SLCO3A1: variants seen among roughly 807,000 people sequenced by gnomAD.
SLCO3A1 encodes the protein solute carrier organic anion transporter family member 3A1.
In SLCO3A1, 27 loss-of-function variants were observed where a neutral mutation model predicts 63.1. The ratio of observed to expected loss-of-function variants is 0.43; its 90% CI spans 0.32 to 0.59. The LOEUF is 0.59. Among genes scored for constraint, SLCO3A1 ranks in the 20% least tolerant of loss-of-function variants. The pLI, the probability that SLCO3A1 is intolerant of heterozygous loss-of-function variation, is 0.09. For missense variants in SLCO3A1, 773 were observed against 945.8 expected, an observed-to-expected ratio of 0.82 and a Z score of 2.40; for synonymous variants, 473 against 409.9, an observed-to-expected ratio of 1.15 and a Z score of -1.86.
At chr15:92,126,712 A>AG (rs1453099309) in intron 6 of SLCO3A1, among the ~76,000 whole-genome samples, 1 of 152,058 alleles carries the variant, frequency 6.6e-6, no homozygotes, top group South Asian at 2.1e-4. Flanking sequence ...GGAAAGGGGG[A>AG]GAAAAAGGGA....
intron 2 of SLCO3A1, among the ~76,000 whole-genome samples, chr15:92,008,921 A>G (rs2046340641): frequency 6.6e-6 from 1 of 152,230 alleles, no homozygotes; most frequent in South Asian, 2.1e-4. Context: ...TATTTCAGCT[A>G]GGAAACTCTA....
chr15:92,133,921 G>T (rs1301003542), intron 7 of SLCO3A1, among the ~76,000 whole-genome samples: 1 of 152,190 alleles, frequency 6.6e-6, no homozygotes, highest in Admixed American at 6.5e-5. Context: ...AAAAAGGTTG[G>T]GGACCTCTGC....
chr15:92,105,731 G>A (rs552627849), intron 4 of SLCO3A1, among the ~76,000 whole-genome samples: 1 of 152,326 alleles, frequency 6.6e-6, no homozygotes, highest in East Asian at 1.9e-4. Context: ...CAGGAGCAAG[G>A]TCAGGCACTA....
chr15:91,861,673 C>T (rs1164837241), intron 1 of SLCO3A1, among the ~76,000 whole-genome samples: 1 of 152,186 alleles, frequency 6.6e-6, no homozygotes. Context: ...CTTGCTCTAT[C>T]ATCCAGGTTG....
intron 2 of SLCO3A1, among the ~76,000 whole-genome samples, chr15:91,998,039 A>G (rs533596306): frequency 5.2e-5 from 8 of 152,390 alleles, no homozygotes; most frequent in African/African-American, 1.7e-4. Context: ...GAAACTATCA[A>G]TAGAGTAAAC....
At chr15:92,050,543 A>C (rs2046944698) in intron 2 of SLCO3A1, among the ~76,000 whole-genome samples, 1 of 152,128 alleles carries the variant, frequency 6.6e-6, no homozygotes, top group African/African-American at 2.4e-5. Flanking sequence ...CTCATTACCC[A>C]CATCTTACGT....
chr15:91,963,177 T>C (rs2151422610), intron 2 of SLCO3A1, among the ~76,000 whole-genome samples: 1 of 152,262 alleles, frequency 6.6e-6, no homozygotes, highest in Middle Eastern at 3.4e-3. Flanking sequence ...TCCTTTGTTA[T>C]CTTGTCGTGC....
At chr15:91,918,905 A>G (rs1158400038) in intron 2 of SLCO3A1, among the ~76,000 whole-genome samples, 1 of 152,226 alleles carries the variant, frequency 6.6e-6, no homozygotes, top group African/African-American at 2.4e-5. Flanking sequence ...GCTCCTGCAG[A>G]GTTGGTCTAG....
At chr15:91,959,165 A>G (rs1360774233) in intron 2 of SLCO3A1, among the ~76,000 whole-genome samples, 1 of 152,226 alleles carries the variant, frequency 6.6e-6, no homozygotes, top group Non-Finnish European at 1.5e-5. Flanking sequence ...GAAGTAGCTC[A>G]GGAGTGGAAA....
rs2047917636 is a variant in SLCO3A1, at chr15:92,126,041, C to T, written c.1175-20C>T. 6.2e-7 allele frequency: 1 copy of T among 1,609,402 alleles called. No homozygotes were observed. The highest frequency in any genetic ancestry group is 1.3e-5 in the African/African-American group (1 of 74,860). On this transcript the variant is annotated intron_variant, in intron 5 of 9. Coordinates refer to ENST00000318445, the MANE Select transcript of SLCO3A1 (RefSeq NM_013272.4). ...CCCACCTTCCCTGTTCACAGCCCTG[C>T]CCCTCTATTTTCCTTCCAGGGATGA...
intron 2 of SLCO3A1, among the ~76,000 whole-genome samples, chr15:92,029,912 A>G (rs2046625760): frequency 6.6e-6 from 1 of 152,026 alleles, no homozygotes; most frequent in Non-Finnish European, 1.5e-5. Context: ...GAGTCTGTGA[A>G]CCAAAAGGCC....
At chr15:91,932,239 A>C (rs971525160) in intron 2 of SLCO3A1, among the ~76,000 whole-genome samples, 1 of 152,178 alleles carries the variant, frequency 6.6e-6, no homozygotes, top group Admixed American at 6.5e-5. Context: ...ATCTGGCCTG[A>C]AATTGAGATT....
chr15:92,138,057 T>C (rs1294786526), intron 7 of SLCO3A1, among the ~76,000 whole-genome samples: 2 of 111,034 alleles, frequency 1.8e-5, no homozygotes, highest in Non-Finnish European at 3.5e-5. Context: ...CCCATGCCTA[T>C]GTCCTGAATG....
At chr15:92,093,967 C>T (rs1222454335) in intron 2 of SLCO3A1, among the ~76,000 whole-genome samples, 2 of 152,170 alleles carry the variant, frequency 1.3e-5, no homozygotes, top group African/African-American at 2.4e-5. Flanking sequence ...CACTGACTGT[C>T]CTCATCAGAT....
At chr15:92,035,559 A>G (rs1192412509) in intron 2 of SLCO3A1, among the ~76,000 whole-genome samples, 1 of 151,752 alleles carries the variant, frequency 6.6e-6, no homozygotes, top group Non-Finnish European at 1.5e-5. Context: ...TGCTGACAAC[A>G]TGAGGCTAGC....
At chr15:92,057,697 A>G (rs555096189) in intron 2 of SLCO3A1, among the ~76,000 whole-genome samples, 1 of 152,322 alleles carries the variant, frequency 6.6e-6, no homozygotes, top group African/African-American at 2.4e-5. Flanking sequence ...GAGTTCTCCT[A>G]GAACCTCATG....
chr15:92,116,721 C>A (rs1596115646), intron 4 of SLCO3A1, among the ~76,000 whole-genome samples: 1 of 152,312 alleles, frequency 6.6e-6, no homozygotes, highest in South Asian at 2.1e-4. Context: ...TAATTAATAG[C>A]CCTTCTCAAA....
chr15:92,171,133 G>A (rs2048518879), intron 10 of SLCO3A1: 1 of 152,210 alleles, frequency 6.6e-6, no homozygotes, highest in Non-Finnish European at 1.5e-5. Flanking sequence ...CTATTGAACA[G>A]GAGAGCTGCA....
chr15:92,134,070 G>T (rs2048027765), intron 7 of SLCO3A1, among the ~76,000 whole-genome samples: 1 of 152,222 alleles, frequency 6.6e-6, no homozygotes, highest in Non-Finnish European at 1.5e-5. Flanking sequence ...CCCCAGTAGG[G>T]CAGTGGTTGG....
Sources: gnomAD v4.1 joint callset for allele counts (sites outside exome capture counted in the v4.1 genomes callset) on GRCh38, gnomAD v4.1.1 for gene constraint, MANE v1.5 for transcripts, NCBI Gene and HGNC (gene_info 2026-07-23, HGNC 2026-07-21) for gene names.